Variants in TMEM156 observed in about 807,000 individuals in gnomAD.
TMEM156 encodes the protein transmembrane protein 156.
Under a neutral mutation model 30.5 loss-of-function variants are expected in TMEM156, and 28 were observed. The ratio of observed to expected loss-of-function variants is 0.92; its 90% CI spans 0.68 to 1.26. TMEM156 has a LOEUF of 1.26. TMEM156 is among the 50% of genes most tolerant of loss of function. The pLI is 0.00. For missense variants in TMEM156, 351 were observed against 340.6 expected, an observed-to-expected ratio of 1.03 and a Z score of -0.24; for synonymous variants, 137 against 119.9, an observed-to-expected ratio of 1.14 and a Z score of -0.93.
intron 1 of TMEM156, among the ~76,000 whole-genome samples, chr4:39,009,663 T>C (rs928098264): frequency 3.3e-5 from 5 of 152,116 alleles, no homozygotes; most frequent in African/African-American, 9.7e-5. Flanking sequence ...ATCATCTCAA[T>C]AGACGCAGAA....
chr4:38,980,823 G>A, intron 5 of TMEM156: 1 of 669,512 alleles, frequency 1.5e-6, no homozygotes, highest in East Asian at 1.4e-4. Flanking sequence ...AGGCGGGATG[G>A]TTCAGGCAGG....
chr4:38,986,986 T>G (rs1712053127), intron 4 of TMEM156, among the ~76,000 whole-genome samples: 1 of 152,120 alleles, frequency 6.6e-6, no homozygotes, highest in Admixed American at 6.6e-5. Flanking sequence ...CATTTTTTAT[T>G]ACTTTGTATG....
chr4:39,024,800 A>G (rs1276621567), intron 1 of TMEM156, among the ~76,000 whole-genome samples: 2 of 152,214 alleles, frequency 1.3e-5, no homozygotes, highest in Admixed American at 6.5e-5. Context: ...AAACCTGCAC[A>G]TGTAGGCCTG....
chr4:38,984,056 T>C (rs183946706), intron 5 of TMEM156, among the ~76,000 whole-genome samples: 5 of 152,328 alleles, frequency 3.3e-5, no homozygotes, highest in Non-Finnish European at 5.9e-5. Flanking sequence ...GAAAGTAGAT[T>C]AATGCCCAGC....
Position 38,978,317 on chromosome 4 carries a change from T to C in TMEM156, c.824-7180A>G, listed in dbSNP as rs187693021. Among the ~76,000 whole-genome samples the C allele has an allele frequency of 3.2e-3, 482 of 152,314 alleles. 2 individuals carry two copies. The highest frequency in any genetic ancestry group is 0.011 in the African/African-American group (461 of 41,568). On this transcript the variant is annotated intron_variant, in intron 5 of 6. Coordinates refer to ENST00000381938, the MANE Select transcript of TMEM156 (RefSeq NM_024943.3). ...TAGGGTTAGGAGATCACACAGTATC[T>C]GTCCCTCTGTGCCCTCCACGTCCCA...
intron 1 of TMEM156, among the ~76,000 whole-genome samples, chr4:39,031,143 A>G (rs1715480512): frequency 6.6e-6 from 1 of 152,236 alleles, no homozygotes; most frequent in African/African-American, 2.4e-5. Context: ...TCTGATTTTA[A>G]TCAAATTCAT....
Position 38,969,125 on chromosome 4 carries a change from G to C in TMEM156, c.*39-1484C>G, listed in dbSNP as rs12647818. Among the ~76,000 whole-genome samples the C allele has an allele frequency of 1.9e-3, 293 of 152,294 alleles. 7 individuals carry two copies. The East Asian group carries it at 0.051, about 27-fold the overall frequency. On this transcript the variant is annotated intron_variant, in intron 6 of 6. Coordinates refer to ENST00000381938, the MANE Select transcript of TMEM156 (RefSeq NM_024943.3). The stretch of plus-strand genomic sequence containing the variant: ...TACAATACATTTTTGTGTAATTATA[G>C]TCACGCTACTGTGCTTTCACACATT...
intron 4 of TMEM156, among the ~76,000 whole-genome samples, chr4:38,987,761 G>A (rs908021798): frequency 1.3e-5 from 2 of 152,326 alleles, no homozygotes; most frequent in African/African-American, 4.8e-5. Context: ...TACAGAGGAT[G>A]TAAGGGATGC....
intron 1 of TMEM156, among the ~76,000 whole-genome samples, chr4:39,004,801 A>G (rs1713615622): frequency 6.6e-6 from 1 of 152,218 alleles, no homozygotes; most frequent in East Asian, 1.9e-4. Context: ...GTAAAATAGT[A>G]TAATCATTCT....
At chr4:38,991,975 G>T (rs1712497971) in intron 3 of TMEM156, among the ~76,000 whole-genome samples, 1 of 152,098 alleles carries the variant, frequency 6.6e-6, no homozygotes, top group Non-Finnish European at 1.5e-5. Context: ...ACCTTGAAAT[G>T]ACCCCTAATT....
chr4:39,003,379 G>A (rs1385410799), intron 1 of TMEM156, among the ~76,000 whole-genome samples: 1 of 151,896 alleles, frequency 6.6e-6, no homozygotes, highest in Non-Finnish European at 1.5e-5. Flanking sequence ...TTGTTGCCTA[G>A]GCTGGAGTGC....
intron 1 of TMEM156, among the ~76,000 whole-genome samples, chr4:39,004,138 T>G (rs930890750): frequency 6.6e-6 from 1 of 152,200 alleles, no homozygotes; most frequent in Non-Finnish European, 1.5e-5. Context: ...ATTTATGAAT[T>G]TAACTGCTGC....
At chr4:38,993,672 C>T in intron 3 of TMEM156, 66 bp downstream of exon 3, 1 of 1,406,612 alleles carries the variant, frequency 7.1e-7, no homozygotes. Context: ...ATGTGATAGC[C>T]CTTACTTAAT....
intron 1 of TMEM156, among the ~76,000 whole-genome samples, chr4:39,011,009 A>G (rs1273826771): frequency 1.3e-5 from 2 of 152,176 alleles, no homozygotes; most frequent in African/African-American, 4.8e-5. Flanking sequence ...TTTGTAAACT[A>G]TGGATCTTAC....
chr4:38,978,242 A>G (rs1248524466), intron 5 of TMEM156, among the ~76,000 whole-genome samples: 1 of 151,150 alleles, frequency 6.6e-6, no homozygotes, highest in Non-Finnish European at 1.5e-5. Flanking sequence ...TATGGTTATT[A>G]AATTGGAAAG....
At chr4:38,982,292 C>T (rs571698401) in intron 5 of TMEM156, among the ~76,000 whole-genome samples, 118 of 152,208 alleles carry the variant, frequency 7.8e-4, no homozygotes, top group African/African-American at 2.7e-3. Flanking sequence ...ATTGTAGGAC[C>T]CCACCTTGTG....
chr4:39,030,895 G>A (rs939815545), intron 1 of TMEM156, among the ~76,000 whole-genome samples: 2 of 152,186 alleles, frequency 1.3e-5, no homozygotes, highest in African/African-American at 4.8e-5. Context: ...CTGAAAATAT[G>A]TGCTATGATT....
At position 38,986,427 on chromosome 4, in the gene TMEM156, C is replaced by A. The variant is rs754092477; in HGVS notation, c.740-8G>T. On this transcript the variant is annotated splice_polypyrimidine_tract_variant and splice_region_variant and intron_variant, in intron 4 of 6. Transcript: ENST00000381938. ...TAGGTTTGTCTCTATGACCTATTCCCAGAAAAGAAATGAAGTATTTAGATG... is the reference window on the plus strand; with the variant it reads ...TAGGTTTGTCTCTATGACCTATTCCAAGAAAAGAAATGAAGTATTTAGATG... 1 of 1,594,966 alleles carries A rather than the reference C, an allele frequency of 6.3e-7. No individual in the cohort carries two copies. Among genetic ancestry groups the A allele is most frequent in the African/African-American group, 1.3e-5 (1 of 74,524 alleles).
At chr4:38,995,387 C>A (rs1712852992) in intron 2 of TMEM156, among the ~76,000 whole-genome samples, 1 of 152,208 alleles carries the variant, frequency 6.6e-6, no homozygotes, top group East Asian at 1.9e-4. Context: ...TAATTCCTTT[C>A]CCCTTGAATC....
Sources: allele counts gnomAD v4.1 joint callset (sites outside exome capture counted in the v4.1 genomes callset), GRCh38; gene constraint gnomAD v4.1.1; transcripts MANE v1.5; gene names NCBI Gene and HGNC (gene_info 2026-07-23, HGNC 2026-07-21).